Variants in IARS2 observed in about 807,000 individuals in gnomAD.
The protein encoded by IARS2 is isoleucyl-tRNA synthetase 2, mitochondrial.
IARS2 carries 56 observed loss-of-function variants against 126.3 expected under a neutral mutation model. The ratio of observed to expected loss-of-function variants is 0.44; its 90% confidence interval spans 0.36 to 0.55. The LOEUF (loss-of-function observed/expected upper bound fraction) is 0.55. Ranked by LOEUF, IARS2 falls within the 20% of genes least tolerant of loss-of-function variation. The probability of loss-of-function intolerance (pLI) is 0.00; values close to 1 mark genes in which losing one functional copy is unlikely to be tolerated. For missense variants in IARS2, 1,127 were observed against 1,245.9 expected, an observed-to-expected ratio of 0.90 and a Z score of 1.44; for synonymous variants, 407 against 441.1, an observed-to-expected ratio of 0.92 and a Z score of 0.97.
At chr1:220,142,910 T>G (rs1382865077) in intron 20 of IARS2, 34 bp from the exon 21 acceptor site, 2 of 1,506,088 alleles carry the variant, frequency 1.3e-6, no homozygotes, top group African/African-American at 2.8e-5. Flanking sequence ...TTAGGATGTT[T>G]GTAAAGCAGT....
At chr1:220,118,666 A>G (rs1656976765) in intron 12 of IARS2, among the ~76,000 whole-genome samples, 1 of 152,150 alleles carries the variant, frequency 6.6e-6, no homozygotes, top group African/African-American at 2.4e-5. Context: ...TCATGCTATT[A>G]ATGCTATAGT....
intron 12 of IARS2, among the ~76,000 whole-genome samples, chr1:220,116,197 A>G (rs1656910649): frequency 1.3e-5 from 2 of 152,184 alleles, no homozygotes; most frequent in Admixed American, 1.3e-4. Flanking sequence ...TGACAGAGCA[A>G]GACACTGTCT....
intron 10 of IARS2, among the ~76,000 whole-genome samples, chr1:220,110,265 G>A (rs576503853): frequency 1.3e-5 from 2 of 152,230 alleles, no homozygotes; most frequent in East Asian, 3.9e-4. Context: ...TCACCATGCA[G>A]GCCAGGCTGG....
In IARS2 at chr1:220,141,784, A is replaced by G. The variant is rs1462403144; in HGVS notation, c.2415-19A>G. ...TGTATAAAGTATTGTCAACTGCTGA[A>G]TAAGTTGTTCTTGTTCAGGCTCTAT... On this transcript the variant is annotated intron_variant, in intron 19 of 22. Transcript: ENST00000366922. 8 of 1,612,784 alleles carry G rather than the reference A, an allele frequency of 5.0e-6. No homozygotes were observed. The highest frequency in any genetic ancestry group is 4.5e-5 in the East Asian group (2 of 44,842).
At chr1:220,094,566 T>A in intron 1 of IARS2, 83 bp downstream of exon 1, 3 of 1,169,700 alleles carry the variant, frequency 2.6e-6, no homozygotes, top group Non-Finnish European at 3.5e-6. Context: ...GCCACACCTC[T>A]AGGCTCCACG....
chr1:220,101,306 G>A (rs1275216682), intron 3 of IARS2, among the ~76,000 whole-genome samples: 1 of 152,194 alleles, frequency 6.6e-6, no homozygotes. Flanking sequence ...ACAGAAGACA[G>A]TAATAAAATT....
chr1:220,133,684 A>G (rs1657313295), intron 14 of IARS2, among the ~76,000 whole-genome samples: 1 of 152,226 alleles, frequency 6.6e-6, no homozygotes, highest in Admixed American at 6.5e-5. Context: ...GAAAAGTCAT[A>G]AAGTATCATG....
At chr1:220,121,237 C>T (rs1657044278) in intron 12 of IARS2, among the ~76,000 whole-genome samples, 1 of 151,950 alleles carries the variant, frequency 6.6e-6, no homozygotes, top group Admixed American at 6.6e-5. Context: ...ATTAGGTAAG[C>T]TAAAAGAAAA....
chr1:220,139,612 G>T (rs879924175), intron 18 of IARS2, among the ~76,000 whole-genome samples: 1 of 152,232 alleles, frequency 6.6e-6, no homozygotes, highest in Non-Finnish European at 1.5e-5. Flanking sequence ...TTAGCCAGGC[G>T]TGTTAGCCAG....
chr1:220,098,327 G>T (rs1656491850), intron 2 of IARS2, among the ~76,000 whole-genome samples: 1 of 152,158 alleles, frequency 6.6e-6, no homozygotes, highest in Non-Finnish European at 1.5e-5. Flanking sequence ...AGTCTTGCTT[G>T]CTTTCTCCTC....
Position 220,145,557 on chromosome 1 carries a change from A to G in IARS2, c.2800A>G (p.Met934Val). Residue 934 changes from methionine (M) to valine (V), a missense_variant, in exon 22 of 23, where the codon ATG becomes GTG. Met to Val is a conservative substitution (Grantham distance 21). Coordinates refer to ENST00000366922, the MANE Select transcript of IARS2 (RefSeq NM_018060.4). ...TSSTSQLNEL[M>V]MASESTLLAQ... The stretch of plus-strand genomic sequence containing the variant: ...CAGCACCTCTCAGTTGAATGAATTA[A>G]TGATGGCTTCTGAGTCAACTTTACT... The G allele has an allele frequency of 1.2e-6, 2 of 1,613,866 alleles. No individual in the cohort carries two copies. Among genetic ancestry groups the G allele is most frequent in the South Asian group, 2.2e-5 (2 of 91,042 alleles).
chr1:220,136,833 C>T lies in IARS2; in HGVS notation c.1971C>T (p.Thr657=). The T allele has an allele frequency of 6.2e-7, 1 of 1,606,926 alleles. No individual in the cohort carries two copies. Among genetic ancestry groups the T allele is most frequent in the Non-Finnish European group, 8.5e-7 (1 of 1,174,252 alleles). The part of the protein sequence containing the change: ...PYKTVIVHGF[T]LGEKGEKMSK... ...GGACAGTGATTGTTCATGGATTTAC[C>T]CTTGGAGAAAAGGGAGAAAAGATGT... Residue 657 remains threonine (T), a synonymous_variant, in exon 16 of 23, where the codon ACC becomes ACT. Transcript: ENST00000366922.
chr1:220,103,859 A>T (rs190058588), intron 8 of IARS2, among the ~76,000 whole-genome samples: 1 of 152,392 alleles, frequency 6.6e-6, no homozygotes, highest in East Asian at 1.9e-4. Context: ...CTGTTTTAAT[A>T]AAAGTAGCAA....
At chr1:220,103,937 T>C (rs1656630703) in intron 8 of IARS2, among the ~76,000 whole-genome samples, 2 of 152,228 alleles carry the variant, frequency 1.3e-5, no homozygotes. Flanking sequence ...GTTCTGAAAA[T>C]TATTCAGAAA....
Position 220,140,511 on chromosome 1 carries a change from G to A in IARS2, c.2414+222G>A, listed in dbSNP as rs3738337. Among the ~76,000 whole-genome samples, 38,295 of 151,970 alleles carry A rather than the reference G, an allele frequency of 0.25. 4,950 individuals are homozygous for A. The highest frequency in any genetic ancestry group is 0.4 in the East Asian group (2,040 of 5,132). The stretch of plus-strand genomic sequence containing the variant: ...CGAGAATCGCTTGAACTTGGGAGGC[G>A]GAGGTTGCAATGAGCAGAGATTGTG... On this transcript the variant is annotated intron_variant, in intron 19 of 22. Transcript: ENST00000366922.
intron 9 of IARS2, among the ~76,000 whole-genome samples, chr1:220,106,426 C>G (rs191626225): frequency 1.3e-5 from 2 of 152,084 alleles, no homozygotes; most frequent in African/African-American, 4.8e-5. Context: ...CAAGTATTTC[C>G]GTTTAGTTAA....
intron 12 of IARS2, among the ~76,000 whole-genome samples, chr1:220,117,361 T>A (rs1181279789): frequency 6.6e-6 from 1 of 151,322 alleles, no homozygotes; most frequent in Non-Finnish European, 1.5e-5. Flanking sequence ...CCGGCTAATT[T>A]TATATATATA....
chr1:220,097,793 A>G (rs1159740401), intron 2 of IARS2, among the ~76,000 whole-genome samples: 1 of 152,140 alleles, frequency 6.6e-6, no homozygotes, highest in African/African-American at 2.4e-5. Flanking sequence ...TCACGTGTTC[A>G]CTCTTGGAGC....
In IARS2 at chr1:220,125,700, G is replaced by C. The variant is rs1657140076; in HGVS notation, c.1743+361G>C. 5.9e-5 allele frequency among the ~76,000 whole-genome samples: 9 copies of C among 152,258 alleles called. No homozygotes were observed. The South Asian group carries it at 1.9e-3, about 32-fold the overall frequency. On this transcript the variant is annotated intron_variant, in intron 13 of 22. Transcript: ENST00000366922. Reference sequence around the variant, plus strand: ...TGCGCCTGTAGTCCCAGCTACTTGGGAGGTTGAGGGGGGAGGATGGCTTGA... The same window carrying C: ...TGCGCCTGTAGTCCCAGCTACTTGGCAGGTTGAGGGGGGAGGATGGCTTGA...
Sources: allele counts gnomAD v4.1 joint callset (sites outside exome capture counted in the v4.1 genomes callset), GRCh38; gene constraint gnomAD v4.1.1; transcripts MANE v1.5; gene names NCBI Gene and HGNC (gene_info 2026-07-23, HGNC 2026-07-21).